The following SVIL variants were observed in gnomAD, a reference collection of about 807,000 sequenced individuals.
The protein encoded by SVIL is archvillin.
In SVIL, 101 loss-of-function variants were observed where a neutral mutation model predicts 240.4. That is an observed-to-expected ratio of 0.42 (90% confidence interval 0.36 to 0.50). SVIL has a LOEUF of 0.50. SVIL is among the 20% of genes least tolerant of loss of function. The pLI is 0.01. For missense variants in SVIL, 2,512 were observed against 2,818.7 expected (o/e 0.89, Z 2.46); for synonymous variants, 999 against 1,100.0 (o/e 0.91, Z 1.82).
intron 2 of SVIL, among the ~76,000 whole-genome samples, chr10:29,685,438 C>T (rs1960994504): frequency 6.6e-6 from 1 of 152,178 alleles, no homozygotes; most frequent in Non-Finnish European, 1.5e-5. Context: ...GGTCTATAGC[C>T]AGTAATGGGA....
Position 29,467,676 on chromosome 10 carries a change from G to A in SVIL, c.5977+66C>T, listed in dbSNP as rs146513392. 3,340 of 1,597,920 alleles carry A rather than the reference G, an allele frequency of 2.1e-3. 11 individuals are homozygous for A. Among genetic ancestry groups the A allele is most frequent in the Non-Finnish European group, 2.3e-3 (2,743 of 1,171,338 alleles). On this transcript the variant is annotated intron_variant, in intron 33 of 37. Transcript: ENST00000355867. ...CCACTATACTCCAGCCTGGATAACA[G>A]AGCAAGACTCTTGTTTCCAAAAACA...
intron 6 of SVIL, among the ~76,000 whole-genome samples, chr10:29,550,286 G>C (rs1194564046): frequency 6.7e-6 from 1 of 149,924 alleles, no homozygotes; most frequent in African/African-American, 2.5e-5. Flanking sequence ...AAAAAAAAAT[G>C]TAAAAATTAG....
chr10:29,708,257 CAAAAAAA>C (rs35982600), intron 1 of SVIL, among the ~76,000 whole-genome samples: 33 of 62,708 alleles, frequency 5.3e-4, no homozygotes, highest in Non-Finnish European at 7.7e-4. Flanking sequence ...GACTCCATCT[CAAAAAAA>C]AAAAAAAAAA....
chr10:29,509,733 G>T (rs1444312629), intron 17 of SVIL, among the ~76,000 whole-genome samples: 1 of 151,966 alleles, frequency 6.6e-6, no homozygotes. Context: ...GCCTGTAATC[G>T]CAGCTACTCG....
intron 17 of SVIL, among the ~76,000 whole-genome samples, chr10:29,503,929 C>T (rs1949081906): frequency 6.6e-6 from 1 of 152,208 alleles, no homozygotes. Context: ...GGAGGACCAA[C>T]ACCAGTCAAC....
chr10:29,729,778 G>A (rs138865528), intron 1 of SVIL, among the ~76,000 whole-genome samples: 1,363 of 135,080 alleles, frequency 0.01, 22 homozygotes, highest in African/African-American at 0.035. Context: ...AGGTTGCAGT[G>A]AGCCGAGATT....
chr10:29,655,644 CA>C (rs545823197), intron 3 of SVIL, among the ~76,000 whole-genome samples: 271 of 152,286 alleles, frequency 1.8e-3, no homozygotes, highest in African/African-American at 6.3e-3. Flanking sequence ...TCCCTTAGTC[CA>C]ATCAAGTTGA....
At chr10:29,604,937 G>T (rs1338821900) in intron 1 of SVIL, among the ~76,000 whole-genome samples, 2 of 152,148 alleles carry the variant, frequency 1.3e-5, no homozygotes, top group East Asian at 3.9e-4. Context: ...GTATATACAG[G>T]ATTAGGTTCT....
intron 1 of SVIL, among the ~76,000 whole-genome samples, chr10:29,702,175 CA>C (rs60338711): frequency 0.15 from 9,165 of 61,314 alleles, 147 homozygotes; most frequent in Admixed American, 0.23. Context: ...ACTCCATCTC[CA>C]AAAAAAAAAA....
chr10:29,705,481 C>CT lies in SVIL; in HGVS notation c.-399-18831dup, dbSNP rs533614762. The stretch of plus-strand genomic sequence containing the variant: ...ATAGACTGTTCTTCCCACTTCAAAT[C>CT]TTTTTTTTTTTTAAGTTCGGGATAC... On this transcript the variant is annotated intron_variant, in intron 1 of 35. Transcript: ENST00000375400. 4.5e-3 allele frequency among the ~76,000 whole-genome samples: 652 copies of CT among 145,650 alleles called. 3 individuals carry two copies. The highest frequency in any genetic ancestry group is 0.011 in the Middle Eastern group (3 of 282).
At chr10:29,637,386 C>A (rs1342000975), upstream of SVIL, among the ~76,000 whole-genome samples, 1 of 152,100 alleles carries the variant, frequency 6.6e-6, no homozygotes, top group African/African-American at 2.4e-5. Flanking sequence ...ACTAGGGAGG[C>A]TAAGGCAGGA....
chr10:29,730,050 C>T (rs1964531636), intron 1 of SVIL, among the ~76,000 whole-genome samples: 1 of 151,640 alleles, frequency 6.6e-6, no homozygotes, highest in African/African-American at 2.4e-5. Context: ...TGGTGGTGCA[C>T]ACCTGTAGTC....
At position 29,470,464 on chromosome 10, in the gene SVIL, G is replaced by A; in HGVS notation, c.5655C>T (p.Cys1885=). The A allele has an allele frequency of 1.9e-6, 3 of 1,613,704 alleles. No individual in the cohort carries two copies. The highest frequency in any genetic ancestry group is 2.5e-6 in the Non-Finnish European group (3 of 1,180,006). The change falls in exon 32 of 38, where the codon TGC becomes TGT. Residue 1885 remains cysteine, a synonymous_variant. Transcript: ENST00000355867. The part of the protein sequence containing the change: ...ENVQSEWRLY[C]VRGEVPVEGN... ...CTTCCACGGGCACCTCTCCACGCAC[G>A]CAGTACAGCCGCCACTCACCTGCAG...
chr10:29,710,834 CA>C (rs968979792), intron 1 of SVIL, among the ~76,000 whole-genome samples: 3 of 151,706 alleles, frequency 2.0e-5, no homozygotes, highest in East Asian at 1.9e-4. Context: ...AAATATATTT[CA>C]AAAAAAATCA....
rs143397058 is a variant in SVIL, at chr10:29,525,158, A to G, written c.2343-443T>C. 2.2e-4 allele frequency among the ~76,000 whole-genome samples: 34 copies of G among 152,334 alleles called. No homozygotes were observed. The South Asian group carries it at 4.8e-3, about 21-fold the overall frequency. ...TAGGAAACGATATAGTCCTCTGTCA[A>G]CAACATAACAGAAGGTCTTGATTTT... On this transcript the variant is annotated intron_variant, in intron 13 of 37. Coordinates refer to ENST00000355867, the MANE Select transcript of SVIL (RefSeq NM_021738.3).
At position 29,570,451 on chromosome 10, in the gene SVIL, T is replaced by G. The variant is rs189816195; in HGVS notation, c.-200-1139A>C. Among the ~76,000 whole-genome samples the G allele has an allele frequency of 1.8e-3, 268 of 152,342 alleles. 3 individuals are homozygous for G. The South Asian group carries it at 0.018, about 10-fold the overall frequency. ...TCAAAATAACCTTAGCGTTTCAGTT[T>G]TGTTCAATCAGTGAACTGAACATGC... On this transcript the variant is annotated intron_variant, in intron 1 of 37. Transcript: ENST00000355867.
At chr10:29,696,336 C>CG (rs1169227070) in intron 1 of SVIL, among the ~76,000 whole-genome samples, 1 of 151,998 alleles carries the variant, frequency 6.6e-6, no homozygotes, top group African/African-American at 2.4e-5. Flanking sequence ...CCTTGGCCCC[C>CG]CAAAGTGCGG....
At chr10:29,548,994 A>G (rs1311481352) in intron 6 of SVIL, among the ~76,000 whole-genome samples, 2 of 152,150 alleles carry the variant, frequency 1.3e-5, no homozygotes, top group African/African-American at 4.8e-5. Context: ...AGCAATGGCA[A>G]CAAAAGCCAA....
At chr10:29,503,121 CA>C (rs1949027943) in intron 17 of SVIL, among the ~76,000 whole-genome samples, 1 of 152,116 alleles carries the variant, frequency 6.6e-6, no homozygotes, top group African/African-American at 2.4e-5. Flanking sequence ...GTGAAAGGAA[CA>C]AAGTTGTACT....
Sources: allele counts gnomAD v4.1 joint callset (sites outside exome capture counted in the v4.1 genomes callset), GRCh38; gene constraint gnomAD v4.1.1; transcripts MANE v1.5; gene names NCBI Gene and HGNC (gene_info 2026-07-23, HGNC 2026-07-21).